LOC400499: variants seen among roughly 807,000 people sequenced by gnomAD.
the LOC400499 span, among the ~76,000 whole-genome samples, chr16:11,479,133 G>A: frequency 2.6e-5 from 4 of 152,152 alleles, no homozygotes; most frequent in Non-Finnish European, 5.9e-5. Context: ...GGAGGGGGAA[G>A]GGGTGGCTGA....
chr16:11,463,109 G>C, the LOC400499 span, among the ~76,000 whole-genome samples: 1 of 152,218 alleles, frequency 6.6e-6, no homozygotes, highest in South Asian at 2.1e-4. Context: ...CAGTGGTGCA[G>C]ACCTGGCCAT....
the LOC400499 span, among the ~76,000 whole-genome samples, chr16:11,428,652 G>A: frequency 2.0e-5 from 3 of 152,082 alleles, no homozygotes; most frequent in Admixed American, 6.6e-5. Flanking sequence ...TATCAGCAAG[G>A]TCTTTATGAC....
chr16:11,385,520 T>G, the LOC400499 span: 4 of 771,582 alleles, frequency 5.2e-6, no homozygotes, highest in East Asian at 1.3e-4. Context: ...AGCTTTGGCT[T>G]AGCCTGCCCT....
chr16:11,408,323 C>T, the LOC400499 span, among the ~76,000 whole-genome samples: 1 of 152,052 alleles, frequency 6.6e-6, no homozygotes, highest in Non-Finnish European at 1.5e-5. Context: ...GGCGTCATTT[C>T]GTTAGTGATA....
chr16:11,402,544 CCT>C, the LOC400499 span, among the ~76,000 whole-genome samples: 1 of 152,194 alleles, frequency 6.6e-6, no homozygotes, highest in Admixed American at 6.5e-5. Context: ...CCCTTGAACC[CCT>C]GTCCAGCCAC....
the LOC400499 span, among the ~76,000 whole-genome samples, chr16:11,413,692 C>T: frequency 0.027 from 4,100 of 152,278 alleles, 74 homozygotes; most frequent in Non-Finnish European, 0.043. Context: ...ATGATGATGA[C>T]GATAATAATC....
At chr16:11,382,234 G>A in the LOC400499 span, among the ~76,000 whole-genome samples, 17 of 152,284 alleles carry the variant, frequency 1.1e-4, no homozygotes, top group African/African-American at 3.1e-4. Context: ...CACCACACCC[G>A]GCATTTCTTT....
chr16:11,460,904 G>C, the LOC400499 span: 5 of 1,463,752 alleles, frequency 3.4e-6, no homozygotes, highest in African/African-American at 7.1e-5. Context: ...CACAGCCCTA[G>C]GAAACAGGGC....
chr16:11,446,609 C>A, the LOC400499 span: 1 of 1,536,092 alleles, frequency 6.5e-7, no homozygotes, highest in Non-Finnish European at 8.7e-7. Flanking sequence ...ACTTTGCCAT[C>A]GTATGGATGC....
At chr16:11,460,873 G>A in the LOC400499 span, 2 of 1,412,622 alleles carry the variant, frequency 1.4e-6, no homozygotes, top group African/African-American at 1.4e-5. Context: ...CGTGGTGACA[G>A]CGTATCTCAG....
chr16:11,424,480 C>T, the LOC400499 span: 131 of 398,068 alleles, frequency 3.3e-4, no homozygotes, highest in African/African-American at 2.4e-3. Flanking sequence ...CCCCTGAGCC[C>T]CATAGCTCCA....
the LOC400499 span, among the ~76,000 whole-genome samples, chr16:11,378,251 CTTT>C: frequency 9.2e-5 from 6 of 65,186 alleles, no homozygotes; most frequent in South Asian, 8.1e-4. Context: ...CTTTTTTTTT[CTTT>C]TTTTTTTTTT....
the LOC400499 span, among the ~76,000 whole-genome samples, chr16:11,412,429 A>G: frequency 6.6e-6 from 1 of 152,148 alleles, no homozygotes. Context: ...GGTGAGAACC[A>G]CTGGTCTACC....
the LOC400499 span, among the ~76,000 whole-genome samples, chr16:11,475,465 T>C: frequency 6.6e-6 from 1 of 152,260 alleles, no homozygotes; most frequent in Admixed American, 6.5e-5. Context: ...GCAAAGTAGA[T>C]GTCTAAATTG....
At chr16:11,505,445 CTTTTTTTTTT>C in the LOC400499 span, among the ~76,000 whole-genome samples, 4 of 71,958 alleles carry the variant, frequency 5.6e-5, no homozygotes, top group African/African-American at 1.2e-4. Context: ...TTTTTCTTTT[CTTTTTTTTTT>C]TTTTTTTTTT....
the LOC400499 span, chr16:11,491,569 G>T: frequency 0.012 from 4,559 of 387,380 alleles, 210 homozygotes; most frequent in African/African-American, 0.088. Flanking sequence ...GAGAAACAGG[G>T]GAACAAGAAC....
chr16:11,389,288 G>A, the LOC400499 span, among the ~76,000 whole-genome samples: 1,490 of 152,298 alleles, frequency 9.8e-3, 26 homozygotes, highest in African/African-American at 0.034. Flanking sequence ...GCTACCTAAC[G>A]TATAGCTCAG....
chr16:11,486,568 G>C, the LOC400499 span, among the ~76,000 whole-genome samples: 1 of 93,092 alleles, frequency 1.1e-5, no homozygotes, highest in Non-Finnish European at 2.1e-5. Flanking sequence ...GTGGGTGGAT[G>C]AATGGATGAT....
At chr16:11,429,646 G>C in the LOC400499 span, among the ~76,000 whole-genome samples, 1 of 152,030 alleles carries the variant, frequency 6.6e-6, no homozygotes, top group African/African-American at 2.4e-5. Flanking sequence ...GCTAATTTTT[G>C]TGTTTTCAGT....
Sources: gnomAD v4.1 joint callset for allele counts (sites outside exome capture counted in the v4.1 genomes callset) on GRCh38, gnomAD v4.1.1 for gene constraint, MANE v1.5 for transcripts.